Variants in CSMD3 observed in about 807,000 individuals in gnomAD.
The protein encoded by CSMD3 is CUB and sushi domain-containing protein 3.
In CSMD3, 177 loss-of-function variants were observed where a neutral mutation model predicts 435.2. That is an observed-to-expected ratio of 0.41 (90% CI 0.36 to 0.46). CSMD3 has a LOEUF of 0.46. Ranked by LOEUF, CSMD3 falls within the 20% of genes least tolerant of loss-of-function variation. CSMD3 has a pLI of 0.34. For missense variants in CSMD3, 4,265 were observed against 4,504.6 expected (o/e 0.95, Z 1.52); for synonymous variants, 1,656 against 1,520.5 (o/e 1.09, Z -2.07).
chr8:112,486,113 G>T (rs1586481448), intron 31 of CSMD3, among the ~76,000 whole-genome samples: 1 of 130,762 alleles, frequency 7.6e-6, no homozygotes, highest in Non-Finnish European at 1.6e-5. Context: ...AATTCTATCA[G>T]GTTTTTTTTT....
At chr8:113,133,347 GA>G (rs1400448203) in intron 4 of CSMD3, among the ~76,000 whole-genome samples, 4 of 151,938 alleles carry the variant, frequency 2.6e-5, no homozygotes, top group Non-Finnish European at 5.9e-5. Flanking sequence ...CAATACAAAT[GA>G]AAACCACAAA....
In CSMD3 at chr8:112,996,685, C is replaced by T. The variant is rs530293651; in HGVS notation, c.1031-20537G>A. Among the ~76,000 whole-genome samples the T allele has an allele frequency of 4.6e-5, 7 of 151,620 alleles. No homozygotes were observed. In the South Asian group the frequency reaches 1.5e-3, roughly 31 times the overall value. ...AATATATCCATAATTTTAGAGTAGA[C>T]AACCATGAAGGATTGTGTATGTGTG... is the stretch of plus-strand genomic sequence containing the variant. On this transcript the variant is annotated intron_variant, in intron 6 of 70. Coordinates refer to ENST00000297405, the MANE Select transcript of CSMD3 (RefSeq NM_198123.2).
chr8:112,791,930 C>G (rs1464067747), intron 13 of CSMD3, among the ~76,000 whole-genome samples: 1 of 152,126 alleles, frequency 6.6e-6, no homozygotes, highest in Admixed American at 6.6e-5. Flanking sequence ...GTAGTAGTAT[C>G]TCTTTGTAGT....
At chr8:112,395,567 A>T (rs1388015798) in intron 35 of CSMD3, among the ~76,000 whole-genome samples, 2 of 152,158 alleles carry the variant, frequency 1.3e-5, no homozygotes, top group Non-Finnish European at 2.9e-5. Context: ...GAACTTGAAA[A>T]AACAGAACCA....
intron 1 of CSMD3, among the ~76,000 whole-genome samples, chr8:113,427,438 A>T (rs935786139): frequency 1.2e-4 from 18 of 150,818 alleles, no homozygotes; most frequent in African/African-American, 4.4e-4. Context: ...GGGTAGGCAC[A>T]GTGGTCTCTC....
intron 12 of CSMD3, among the ~76,000 whole-genome samples, chr8:112,803,181 A>G (rs1277963631): frequency 6.6e-6 from 1 of 152,154 alleles, no homozygotes; most frequent in African/African-American, 2.4e-5. Flanking sequence ...TGGATAAATT[A>G]AAGGCACTTT....
intron 1 of CSMD3, among the ~76,000 whole-genome samples, chr8:113,372,310 A>G (rs1244443477): frequency 1.3e-5 from 2 of 152,218 alleles, no homozygotes; most frequent in East Asian, 1.9e-4. Flanking sequence ...AATGGTTACC[A>G]TATTAGGTTG....
At chr8:112,577,594 T>C (rs10097843) in intron 23 of CSMD3, among the ~76,000 whole-genome samples, 61,442 of 151,980 alleles carry the variant, frequency 0.4, 13,328 homozygotes, top group East Asian at 0.58. Context: ...ATGGCTTTTA[T>C]AATGTTAATG....
chr8:113,196,205 T>A (rs1446248725), intron 3 of CSMD3, among the ~76,000 whole-genome samples: 4 of 150,848 alleles, frequency 2.7e-5, no homozygotes, highest in African/African-American at 9.7e-5. Flanking sequence ...TTTTATAGAG[T>A]CATGGGGCCA....
At chr8:112,733,969 C>T (rs1244950234) in intron 13 of CSMD3, among the ~76,000 whole-genome samples, 2 of 151,528 alleles carry the variant, frequency 1.3e-5, no homozygotes, top group Non-Finnish European at 1.5e-5. Context: ...GACATTTAAT[C>T]ATTATTATCC....
At chr8:112,337,396 T>C (rs959847554) in intron 43 of CSMD3, 147 bp downstream of exon 43, 4 of 684,290 alleles carry the variant, frequency 5.8e-6, no homozygotes, top group Admixed American at 4.9e-5. Context: ...TTATTCATTA[T>C]AGAGCCTTAG....
At chr8:112,778,611 T>C (rs2078303794) in intron 13 of CSMD3, among the ~76,000 whole-genome samples, 1 of 151,984 alleles carries the variant, frequency 6.6e-6, no homozygotes, top group Non-Finnish European at 1.5e-5. Flanking sequence ...TGCTTCCAAA[T>C]TGACAAATAT....
At chr8:112,658,235 G>A (rs779887485) in intron 17 of CSMD3, among the ~76,000 whole-genome samples, 10 of 152,210 alleles carry the variant, frequency 6.6e-5, no homozygotes, top group Non-Finnish European at 1.3e-4. Flanking sequence ...AATTTTCAGA[G>A]AATCACTTTT....
rs1475520856 is a variant in CSMD3 at position 113,192,861 on chromosome 8, G to A, written c.515-18945C>T. 3.3e-5 allele frequency among the ~76,000 whole-genome samples: 5 copies of A among 151,098 alleles called. No homozygotes were observed. In the East Asian group the frequency reaches 9.7e-4, roughly 29 times the overall value. On this transcript the variant is annotated intron_variant, in intron 3 of 70. Coordinates refer to ENST00000297405, the MANE Select transcript of CSMD3 (RefSeq NM_198123.2). Reference sequence around the variant, plus strand: ...TTTGGACTTTAGCTTCTATGCTAGAGAACTTCTTCAGAAATCAGATGATTT... The same window carrying A: ...TTTGGACTTTAGCTTCTATGCTAGAAAACTTCTTCAGAAATCAGATGATTT...
At chr8:113,024,558 T>C (rs560820662) in intron 5 of CSMD3, among the ~76,000 whole-genome samples, 3 of 152,292 alleles carry the variant, frequency 2.0e-5, no homozygotes, top group Non-Finnish European at 2.9e-5. Flanking sequence ...GTTTTACTAA[T>C]ATATATTCTT....
intron 1 of CSMD3, among the ~76,000 whole-genome samples, chr8:113,334,879 T>C (rs1177598507): frequency 6.6e-6 from 1 of 152,084 alleles, no homozygotes; most frequent in African/African-American, 2.4e-5. Context: ...TTTCATTATG[T>C]TTTTAAAGTC....
intron 11 of CSMD3, among the ~76,000 whole-genome samples, chr8:112,842,344 G>A (rs539598681): frequency 3.2e-4 from 49 of 151,868 alleles, no homozygotes; most frequent in African/African-American, 1.1e-3. Flanking sequence ...GGTTTCCGGT[G>A]ACTAATATCA....
intron 10 of CSMD3, among the ~76,000 whole-genome samples, chr8:112,869,662 G>C (rs1392047902): frequency 6.6e-6 from 1 of 151,870 alleles, no homozygotes; most frequent in Non-Finnish European, 1.5e-5. Flanking sequence ...ACTGGATAAA[G>C]AAAATGTTGC....
chr8:113,144,405 T>C (rs1301908123), intron 4 of CSMD3, among the ~76,000 whole-genome samples: 1 of 151,428 alleles, frequency 6.6e-6, no homozygotes, highest in Non-Finnish European at 1.5e-5. Flanking sequence ...GGCATTCTAG[T>C]TATGTTAAAC....
Sources: gnomAD v4.1 joint callset for allele counts (sites outside exome capture counted in the v4.1 genomes callset) on GRCh38, gnomAD v4.1.1 for gene constraint, MANE v1.5 for transcripts, NCBI Gene and HGNC (gene_info 2026-07-23, HGNC 2026-07-21) for gene names.